The following TAF3 variants were observed in gnomAD, a reference collection of about 807,000 sequenced individuals.
The protein encoded by TAF3 is transcription initiation factor TFIID subunit 3.
A neutral mutation model predicts 80.6 loss-of-function variants in TAF3; 7 were observed. The ratio of observed to expected loss-of-function variants is 0.09; its 90% CI spans 0.05 to 0.16. The LOEUF is 0.16. Ranked by LOEUF, TAF3 falls within the 10% of genes least tolerant of loss-of-function variation. The pLI is 1.00. For missense variants in TAF3, 921 were observed against 1,140.2 expected, an observed-to-expected ratio of 0.81 and a Z score of 2.77; for synonymous variants, 444 against 446.1, an observed-to-expected ratio of 1.00 and a Z score of 0.06.
At position 7,838,914 on chromosome 10, in the gene TAF3, T is replaced by C. The variant is rs1484451341; in HGVS notation, c.409+14354T>C. ...TTGTCTGGAGGCATTGCTTGTTTTTTTTTTTTTTTGGTTTGTTTGTTTTGT... is the reference window on the plus strand; with the variant it reads ...TTGTCTGGAGGCATTGCTTGTTTTTCTTTTTTTTTGGTTTGTTTGTTTTGT... On this transcript the variant is annotated intron_variant, in intron 2 of 6. Transcript: ENST00000344293. 2.8e-5 allele frequency among the ~76,000 whole-genome samples: 4 copies of C among 141,212 alleles called. 1 individual carries two copies. The highest frequency in any genetic ancestry group is 6.3e-5 in the Non-Finnish European group (4 of 63,866). The allele number at this position is 141,212 out of a possible 152,430, so 92.6% of individuals were successfully genotyped here.
intron 4 of TAF3, among the ~76,000 whole-genome samples, chr10:8,003,939 T>C (rs1172591413): frequency 6.6e-6 from 1 of 152,188 alleles, no homozygotes; most frequent in Non-Finnish European, 1.5e-5. Flanking sequence ...TTGGAAAATA[T>C]AGTTATTTTC....
At chr10:7,969,034 G>T (rs544033878) in intron 3 of TAF3, among the ~76,000 whole-genome samples, 4 of 152,080 alleles carry the variant, frequency 2.6e-5, no homozygotes, top group Non-Finnish European at 5.9e-5. Flanking sequence ...TAATGGCCAG[G>T]TGCAGTGGCT....
intron 2 of TAF3, among the ~76,000 whole-genome samples, chr10:7,902,592 G>GT (rs1837570187): frequency 6.6e-6 from 1 of 152,098 alleles, no homozygotes; most frequent in South Asian, 2.1e-4. Flanking sequence ...ATCAGGAGGC[G>GT]TATAATGTCA....
intron 2 of TAF3, among the ~76,000 whole-genome samples, chr10:7,827,461 A>G (rs909033888): frequency 4.6e-5 from 7 of 152,104 alleles, no homozygotes; most frequent in Admixed American, 2.6e-4. Flanking sequence ...AGCCTGGGCA[A>G]CGTCATGAGA....
intron 2 of TAF3, among the ~76,000 whole-genome samples, chr10:7,938,090 A>AT (rs969447375): frequency 6.6e-6 from 1 of 152,312 alleles, no homozygotes; most frequent in Non-Finnish European, 1.5e-5. Flanking sequence ...TTAATAAAAC[A>AT]TTTTTTCAAC....
intron 2 of TAF3, among the ~76,000 whole-genome samples, chr10:7,825,497 C>T (rs1836730792): frequency 6.6e-6 from 1 of 152,174 alleles, no homozygotes; most frequent in African/African-American, 2.4e-5. Flanking sequence ...CCCCATTCTC[C>T]ACCACTTCCA....
chr10:7,913,302 A>C (rs1057103171), intron 2 of TAF3, among the ~76,000 whole-genome samples: 1 of 152,148 alleles, frequency 6.6e-6, no homozygotes. Context: ...GATGGCAGTG[A>C]AAAGGAAACC....
chr10:7,954,497 A>C (rs1435669838), intron 2 of TAF3, among the ~76,000 whole-genome samples: 17 of 126,036 alleles, frequency 1.3e-4, no homozygotes, highest in South Asian at 3.1e-4. Context: ...AGAGCTCTCC[A>C]TAGTGAGATT....
chr10:7,899,497 C>T (rs558262292), intron 2 of TAF3, among the ~76,000 whole-genome samples: 1 of 152,204 alleles, frequency 6.6e-6, no homozygotes, highest in African/African-American at 2.4e-5. Context: ...TTCTTTCCCT[C>T]TACAGTTAAA....
At chr10:7,933,141 T>C (rs976022199) in intron 2 of TAF3, among the ~76,000 whole-genome samples, 2 of 152,214 alleles carry the variant, frequency 1.3e-5, no homozygotes, top group African/African-American at 4.8e-5. Context: ...GTAGGTATTA[T>C]ATTCTCTTCA....
chr10:7,950,937 G>A (rs532835463), intron 2 of TAF3, among the ~76,000 whole-genome samples: 2 of 152,332 alleles, frequency 1.3e-5, no homozygotes, highest in South Asian at 2.1e-4. Context: ...TAGAGAAAAT[G>A]CATGTGTTAC....
chr10:7,945,487 C>T (rs1190383234), intron 2 of TAF3, among the ~76,000 whole-genome samples: 1 of 152,190 alleles, frequency 6.6e-6, no homozygotes, highest in Non-Finnish European at 1.5e-5. Flanking sequence ...CTCTACCTGC[C>T]TTCCTTGGTA....
intron 2 of TAF3, among the ~76,000 whole-genome samples, chr10:7,907,938 C>G (rs1389625643): frequency 6.6e-6 from 1 of 152,150 alleles, no homozygotes; most frequent in Non-Finnish European, 1.5e-5. Context: ...GGGACTGAAT[C>G]TGGAGCGGCA....
chr10:7,992,997 T>C (rs1831849041), intron 4 of TAF3, among the ~76,000 whole-genome samples: 1 of 152,188 alleles, frequency 6.6e-6, no homozygotes, highest in South Asian at 2.1e-4. Flanking sequence ...AACGTTATTA[T>C]CATACATAAA....
chr10:7,907,308 C>A (rs2131176533), intron 2 of TAF3, among the ~76,000 whole-genome samples: 1 of 152,280 alleles, frequency 6.6e-6, no homozygotes, highest in South Asian at 2.1e-4. Context: ...CAGATGAGGT[C>A]TTTGAAATCC....
intron 5 of TAF3, among the ~76,000 whole-genome samples, chr10:8,011,056 C>A (rs939380806): frequency 1.2e-4 from 19 of 152,130 alleles, no homozygotes; most frequent in Non-Finnish European, 1.6e-4. Context: ...ATTAAACACA[C>A]AAACACACAA....
At chr10:7,990,618 G>T (rs1184581257) in intron 4 of TAF3, among the ~76,000 whole-genome samples, 1 of 152,136 alleles carries the variant, frequency 6.6e-6, no homozygotes, top group Non-Finnish European at 1.5e-5. Context: ...GAAGAAAAAT[G>T]GCTCTTAAAT....
At chr10:8,013,482 T>TA (rs963444381) in intron 5 of TAF3, among the ~76,000 whole-genome samples, 4 of 152,210 alleles carry the variant, frequency 2.6e-5, no homozygotes, top group Non-Finnish European at 5.9e-5. Context: ...TTTTATGACT[T>TA]ACAAAAGAAA....
chr10:7,980,393 A>C (rs1831715313), intron 4 of TAF3, among the ~76,000 whole-genome samples: 1 of 152,124 alleles, frequency 6.6e-6, no homozygotes, highest in Admixed American at 6.5e-5. Flanking sequence ...GTTCCCTATT[A>C]TTGTTCCTTG....
Sources: gnomAD v4.1 joint callset for allele counts (sites outside exome capture counted in the v4.1 genomes callset) on GRCh38, gnomAD v4.1.1 for gene constraint, MANE v1.5 for transcripts, NCBI Gene and HGNC (gene_info 2026-07-23, HGNC 2026-07-21) for gene names.